DHX8: variants seen among roughly 807,000 people sequenced by gnomAD.
The protein encoded by DHX8 is DEAH-box helicase 8.
In DHX8, 67 loss-of-function variants were observed where a neutral mutation model predicts 140.7. That is an observed-to-expected ratio of 0.48 (90% CI 0.39 to 0.58). The LOEUF (loss-of-function observed/expected upper bound fraction) is 0.58. Among genes scored for constraint, DHX8 ranks in the 20% least tolerant of loss-of-function variants. The pLI is 0.00. For missense variants in DHX8, 887 were observed against 1,550.7 expected (o/e 0.57, Z 7.19); for synonymous variants, 533 against 553.2 (o/e 0.96, Z 0.51).
At chr17:43,530,354 A>T (rs949645250), downstream of DHX8, 5 of 1,467,458 alleles carry the variant, frequency 3.4e-6, no homozygotes, top group African/African-American at 5.7e-5. Context: ...GTTCACCCAG[A>T]GGGAGTGTGA....
intron 11 of DHX8, among the ~76,000 whole-genome samples, chr17:43,503,743 C>T (rs371211151): frequency 1.3e-5 from 2 of 151,908 alleles, no homozygotes; most frequent in Non-Finnish European, 2.9e-5. Flanking sequence ...GAATAGAACC[C>T]GTAGACATAG....
At chr17:43,521,960 C>A in intron 21 of DHX8, 87 bp from the exon 22 acceptor site, 2 of 1,452,238 alleles carry the variant, frequency 1.4e-6, no homozygotes, top group Non-Finnish European at 1.9e-6. Context: ...CTCTGGGCAC[C>A]CCAAGATGGA....
intron 22 of DHX8, among the ~76,000 whole-genome samples, chr17:43,523,113 T>TAA (rs995612023): frequency 6.8e-6 from 1 of 146,158 alleles, no homozygotes; most frequent in African/African-American, 2.5e-5. Context: ...TGATGTAGTT[T>TAA]AAAAAAAAAA....
chr17:43,495,093 C>T lies in DHX8; in HGVS notation c.1213-1088C>T, dbSNP rs530994064. ...CCTCCCAAAGTGCTGGGATTACAGG[C>T]GTGAGCCACTGTGCCCAGCCTATTG... On this transcript the variant is annotated intron_variant, in intron 8 of 22. Transcript: ENST00000262415. 3.3e-5 allele frequency among the ~76,000 whole-genome samples: 5 copies of T among 152,138 alleles called. No homozygotes were observed. In the East Asian group the frequency reaches 7.8e-4, roughly 24 times the overall value.
chr17:43,494,611 C>G (rs1219096635), intron 8 of DHX8, among the ~76,000 whole-genome samples: 1 of 150,486 alleles, frequency 6.6e-6, no homozygotes, highest in Non-Finnish European at 1.5e-5. Context: ...ATCCCAGCTA[C>G]TCACGACGCT....
chr17:43,499,679 C>T (rs554220584), intron 10 of DHX8, among the ~76,000 whole-genome samples: 2 of 152,326 alleles, frequency 1.3e-5, no homozygotes, highest in Middle Eastern at 3.4e-3. Flanking sequence ...TTATACCTTT[C>T]TTATGTCCTT....
chr17:43,534,075 G>C (rs1870781862), intron 2 of DHX8: 1 of 1,337,348 alleles, frequency 7.5e-7, no homozygotes, highest in South Asian at 1.8e-5. Flanking sequence ...TTGAGGACCA[G>C]CTGGGTGACT....
At chr17:43,525,954 T>TA, downstream of DHX8, 1 of 985,376 alleles carries the variant, frequency 1.0e-6, no homozygotes, top group African/African-American at 1.7e-5. Context: ...CAGGGTTCGT[T>TA]ATCTTTTCTG....
chr17:43,511,959 G>T (rs1969866022), intron 16 of DHX8, among the ~76,000 whole-genome samples: 1 of 151,956 alleles, frequency 6.6e-6, no homozygotes, highest in Non-Finnish European at 1.5e-5. Flanking sequence ...GGGTGAGGCT[G>T]CTATGAGCCA....
At chr17:43,535,369 C>G (rs1396537842) in intron 2 of DHX8, among the ~76,000 whole-genome samples, 1 of 152,150 alleles carries the variant, frequency 6.6e-6, no homozygotes, top group African/African-American at 2.4e-5. Flanking sequence ...CCTCCGCCTC[C>G]CAGGTTCAAG....
rs192576222 is a variant in DHX8 at position 43,489,511 on chromosome 17, G to A, written c.211G>A (p.Val71Ile). ...CTTTGATACTTTTAAGGCTTCTCTC[G>A]TCAAAAATGGTGCAGAATTTACGGT... Reference protein sequence around the residue: ...TTFDTFKASLVKNGAEFTDSL... With the variant: ...TTFDTFKASLIKNGAEFTDSL... Residue 71 changes from valine (V) to isoleucine (I), a missense_variant, in exon 2 of 23, where the codon GTC (valine) becomes ATC (isoleucine). Transcript: ENST00000262415. 60 of 1,610,914 alleles carry A rather than the reference G, an allele frequency of 3.7e-5. No individual in the cohort carries two copies. The highest frequency in any genetic ancestry group is 2.2e-5 in the East Asian group (1 of 44,838).
intron 2 of DHX8, among the ~76,000 whole-genome samples, chr17:43,535,427 G>A (rs1017440823): frequency 2.0e-5 from 3 of 152,048 alleles, no homozygotes; most frequent in East Asian, 1.9e-4. Flanking sequence ...ACAGGTACAC[G>A]CCACCATGCC....
In DHX8 at chr17:43,492,736, G is replaced by C. The variant is rs1170889314; in HGVS notation, c.559G>C (p.Asp187His). The change falls in exon 6 of 23, where the codon GAC (aspartate) becomes CAC (histidine). Residue 187 changes from aspartate (D) to histidine (H), a missense_variant. Around this residue, in one of 9 missense-constraint regions of DHX8, gnomAD observed 304 missense variants for 306.9 expected, o/e 0.99. Transcript: ENST00000262415. ...AAGCCGAGATCGAAACCGAGATCGAGACAGAGATAGGGAACGAAACCGAGA... is the reference window on the plus strand; with the variant it reads ...AAGCCGAGATCGAAACCGAGATCGACACAGAGATAGGGAACGAAACCGAGA... Reference protein sequence around the residue: ...SRSRDRNRDRDRDRERNRDRD... With the variant: ...SRSRDRNRDRHRDRERNRDRD... 3 of 1,613,656 alleles carry C rather than the reference G, an allele frequency of 1.9e-6. No individual in the cohort carries two copies. The highest frequency in any genetic ancestry group is 2.7e-5 in the African/African-American group (2 of 74,916).
intron 16 of DHX8, among the ~76,000 whole-genome samples, chr17:43,512,569 G>C (rs149342046): frequency 1.3e-3 from 194 of 152,282 alleles, no homozygotes; most frequent in African/African-American, 4.0e-3. Flanking sequence ...GAGGAGGCTT[G>C]AGTGGAAAGA....
intron 18 of DHX8, chr17:43,518,521 T>C (rs1328113697): frequency 6.6e-6 from 1 of 152,222 alleles, no homozygotes; most frequent in African/African-American, 2.4e-5. Flanking sequence ...AGATCCCTCA[T>C]AGATATATAG....
At position 43,484,011 on chromosome 17, in the gene DHX8, G is replaced by A. The variant is rs758261178; in HGVS notation, c.-27G>A. 6 of 1,613,216 alleles carry A rather than the reference G, an allele frequency of 3.7e-6. No homozygotes were observed. The African/African-American group carries it at 6.7e-5, about 18-fold the overall frequency. ...AGTAGCTCTGAGCGCCGGCTGTGAG[G>A]AAGGAGGTTCTGGGCAAGCTATAGC... On this transcript the variant is annotated 5_prime_UTR_variant, in exon 1 of 23. Transcript: ENST00000262415.
intron 16 of DHX8, among the ~76,000 whole-genome samples, chr17:43,511,897 A>G (rs1049067252): frequency 6.7e-6 from 1 of 150,244 alleles, no homozygotes; most frequent in African/African-American, 2.4e-5. Flanking sequence ...TGGCACATGC[A>G]TAGTCCCAGC....
rs749540850 is a variant in DHX8, at chr17:43,504,644, C to T, written c.1547C>T (p.Ala516Val). 21 of 1,605,776 alleles carry T rather than the reference C, an allele frequency of 1.3e-5. No homozygotes were observed. Among genetic ancestry groups the T allele is most frequent in the South Asian group, 7.8e-5 (7 of 89,670 alleles). Residue 516 changes from alanine (A) to valine (V), a missense_variant and splice_region_variant, in exon 12 of 23, where the codon GCG becomes GTG. Transcript: ENST00000262415. Reference sequence around the variant, plus strand: ...CTAAGTTGCCTGTTTTCCTTTCCAGCGGAAGGCAGACAGATTGCTGCCAAC... The same window carrying T: ...CTAAGTTGCCTGTTTTCCTTTCCAGTGGAAGGCAGACAGATTGCTGCCAAC... ...NKHWVDPLPD[A>V]EGRQIAANMR... is the part of the protein sequence containing the mutation.
chr17:43,530,416 G>A (rs1311128907), downstream of DHX8: 2 of 1,411,834 alleles, frequency 1.4e-6, no homozygotes, highest in East Asian at 2.6e-5. Flanking sequence ...ATGGAAGGCA[G>A]CAGCGGGGGC....
Sources: allele counts gnomAD v4.1 joint callset (sites outside exome capture counted in the v4.1 genomes callset), GRCh38; gene constraint gnomAD v4.1.1; regional missense constraint gnomAD v4.1.1; transcripts MANE v1.5; gene names NCBI Gene and HGNC (gene_info 2026-07-23, HGNC 2026-07-21).